PSD3: variants seen among roughly 807,000 people sequenced by gnomAD.
PSD3 encodes the protein PH and SEC7 domain-containing protein 3.
Under a neutral mutation model 105.5 loss-of-function variants are expected in PSD3, and 49 were observed. That is an observed-to-expected ratio of 0.46 (90% CI 0.37 to 0.59). The LOEUF is 0.59. PSD3 is among the 20% of genes least tolerant of loss of function. The pLI, the probability that PSD3 is intolerant of heterozygous loss-of-function variation, is 0.00. For missense variants in PSD3, 1,561 were observed against 1,263.8 expected, an observed-to-expected ratio of 1.24 and a Z score of -3.57; for synonymous variants, 557 against 457.8, an observed-to-expected ratio of 1.22 and a Z score of -2.77.
intron 11 of PSD3, among the ~76,000 whole-genome samples, chr8:18,611,845 T>A (rs569300761): frequency 7.9e-5 from 12 of 152,010 alleles, no homozygotes; most frequent in Admixed American, 1.3e-4. Context: ...TGATTATAGA[T>A]TAGCCTTTTT....
intron 2 of PSD3, among the ~76,000 whole-genome samples, chr8:18,922,738 C>T (rs1821108246): frequency 6.6e-6 from 1 of 152,142 alleles, no homozygotes; most frequent in Admixed American, 6.5e-5. Context: ...TCTCACAGCC[C>T]CCTCCTTGGG....
At chr8:18,604,064 T>A (rs1377428786) in intron 11 of PSD3, among the ~76,000 whole-genome samples, 2 of 152,088 alleles carry the variant, frequency 1.3e-5, no homozygotes, top group African/African-American at 4.8e-5. Flanking sequence ...TACCTGAAAA[T>A]GTGAAAGCTA....
intron 1 of PSD3, among the ~76,000 whole-genome samples, chr8:19,047,638 G>A (rs1828370496): frequency 6.6e-6 from 1 of 152,110 alleles, no homozygotes. Flanking sequence ...CAGGGACCAG[G>A]TTTCTCTGTT....
chr8:18,666,724 T>TGGGGGGG, intron 9 of PSD3, among the ~76,000 whole-genome samples: 1 of 136,310 alleles, frequency 7.3e-6, no homozygotes, highest in Admixed American at 7.9e-5. Context: ...TGCTTTTTTT[T>TGGGGGGG]GGGGGGTGGG....
intron 9 of PSD3, among the ~76,000 whole-genome samples, chr8:18,702,396 G>C (rs895350028): frequency 1.3e-5 from 2 of 152,246 alleles, no homozygotes; most frequent in East Asian, 3.9e-4. Flanking sequence ...ATCTTTGGTA[G>C]CACATCTTTA....
At chr8:18,592,965 A>C (rs1705893409) in intron 12 of PSD3, among the ~76,000 whole-genome samples, 1 of 152,184 alleles carries the variant, frequency 6.6e-6, no homozygotes, top group African/African-American at 2.4e-5. Context: ...CTTATACAAA[A>C]ATTAATTCAA....
At position 18,531,622 on chromosome 8, in the gene PSD3, A is replaced by C. The variant is rs1209116400; in HGVS notation, c.*4121T>G. The C allele has an allele frequency of 1.3e-5, 2 of 152,318 alleles. No individual in the cohort carries two copies. Among genetic ancestry groups the C allele is most frequent in the Non-Finnish European group, 2.9e-5 (2 of 68,094 alleles). 9.4% of individuals were successfully genotyped at this position (152,318 alleles called of 1,614,324 possible). On this transcript the variant is annotated 3_prime_UTR_variant, in exon 16 of 16. Coordinates refer to ENST00000327040, the MANE Select transcript of PSD3 (RefSeq NM_015310.4). The stretch of plus-strand genomic sequence containing the variant: ...CAAGATGGCCAGAAAGCTGTGGAGC[A>C]AGGTAGGAGGCCCAGAGGCGCATCT...
chr8:18,559,633 AT>A (rs5889806), intron 14 of PSD3, among the ~76,000 whole-genome samples: 151,078 of 152,074 alleles, frequency 0.99, 75,057 homozygotes, highest in Middle Eastern at 1. Context: ...ACAAACTTCT[AT>A]TTTTTTTTAC....
At chr8:18,652,197 C>G (rs1808535806) in intron 10 of PSD3, among the ~76,000 whole-genome samples, 1 of 152,024 alleles carries the variant, frequency 6.6e-6, no homozygotes, top group African/African-American at 2.4e-5. Context: ...GCAGAAACAT[C>G]CTGCAGGAAA....
chr8:18,908,514 C>A (rs141169000), intron 2 of PSD3, among the ~76,000 whole-genome samples: 1 of 152,294 alleles, frequency 6.6e-6, no homozygotes, highest in Admixed American at 6.5e-5. Context: ...CTGATTACCC[C>A]TTTCACCCTG....
intron 4 of PSD3, among the ~76,000 whole-genome samples, chr8:18,837,534 G>C (rs1316939008): frequency 6.6e-6 from 1 of 152,152 alleles, no homozygotes; most frequent in Admixed American, 6.5e-5. Context: ...TTCCTCATAG[G>C]TAACTGGGAT....
chr8:18,712,108 G>C (rs770642962), intron 9 of PSD3, among the ~76,000 whole-genome samples: 1 of 152,188 alleles, frequency 6.6e-6, no homozygotes. Flanking sequence ...CAGAATCTCT[G>C]GGACACAGCT....
chr8:18,783,352 C>G (rs1808823166), intron 8 of PSD3, among the ~76,000 whole-genome samples: 1 of 152,112 alleles, frequency 6.6e-6, no homozygotes, highest in African/African-American at 2.4e-5. Context: ...AGTTCTTTTA[C>G]TCATGGTCAG....
In PSD3 at chr8:18,916,617, C is replaced by T. The variant is rs569473690; in HGVS notation, c.130+19417G>A. Among the ~76,000 whole-genome samples the T allele has an allele frequency of 7.3e-5, 11 of 150,960 alleles. No homozygotes were observed. In the East Asian group the frequency reaches 2.0e-3, roughly 27 times the overall value. On this transcript the variant is annotated intron_variant, in intron 2 of 15. Transcript: ENST00000327040. ...ATGAGGAGGTGTTGGTCAAATGGAA[C>T]AAAATTTCAGTTAGATGGAATGAAT...
chr8:18,718,342 T>G (rs71510619), intron 9 of PSD3, among the ~76,000 whole-genome samples: 11 of 152,210 alleles, frequency 7.2e-5, no homozygotes, highest in Non-Finnish European at 1.3e-4. Context: ...CTTTTCCCCA[T>G]AGGGAATTAT....
At chr8:18,582,598 C>T (rs1230071770) in intron 12 of PSD3, among the ~76,000 whole-genome samples, 1 of 151,940 alleles carries the variant, frequency 6.6e-6, no homozygotes, top group African/African-American at 2.4e-5. Flanking sequence ...CATTTCTGGC[C>T]CCTTCATTGG....
intron 9 of PSD3, among the ~76,000 whole-genome samples, chr8:18,758,717 T>G (rs79991640): frequency 0.026 from 3,995 of 152,214 alleles, 248 homozygotes; most frequent in East Asian, 0.19. Flanking sequence ...AAATTCTACC[T>G]TCTTGGCTAA....
At chr8:18,790,078 A>G (rs572193211) in intron 8 of PSD3, among the ~76,000 whole-genome samples, 1 of 152,066 alleles carries the variant, frequency 6.6e-6, no homozygotes, top group Admixed American at 6.6e-5. Context: ...GAGGGTGGGG[A>G]AAGGGGACAG....
intron 12 of PSD3, among the ~76,000 whole-genome samples, chr8:18,594,147 A>ATAATATATATTATTATATACATATTATG (rs1803835669): frequency 1.5e-5 from 1 of 65,270 alleles, no homozygotes; most frequent in African/African-American, 5.5e-5. Flanking sequence ...TATATATTAT[A>ATAATATATATTATTATATACATATTATG]TAATATATAT....
Sources: gnomAD v4.1 joint callset for allele counts (sites outside exome capture counted in the v4.1 genomes callset) on GRCh38, gnomAD v4.1.1 for gene constraint, MANE v1.5 for transcripts, NCBI Gene and HGNC (gene_info 2026-07-23, HGNC 2026-07-21) for gene names.